The following PASD1 variants were observed in gnomAD, a reference collection of about 807,000 sequenced individuals.
PASD1 encodes the protein PAS domain containing repressor 1.
A neutral mutation model predicts 58.8 loss-of-function variants in PASD1; 13 were observed. The observed-to-expected ratio is 0.22, with a 90% CI of 0.14 to 0.35. The LOEUF is 0.35. PASD1 is among the 10% of genes least tolerant of loss of function. The probability of loss-of-function intolerance (pLI) is 1.00; values close to 1 mark genes in which losing one functional copy is unlikely to be tolerated. For synonymous variants in PASD1, 236 were observed against 216.7 expected (o/e 1.09, Z -0.78); for missense variants, 734 against 568.3 (o/e 1.29, Z -2.96).
intron 5 of PASD1, 95 bp from the exon 6 acceptor site, chrX:151,621,387 T>G: frequency 1.5e-6 from 1 of 662,491 alleles, no homozygotes; most frequent in Non-Finnish European, 2.3e-6. Flanking sequence ...TTGTAAAATC[T>G]AATCGAAGAA....
At chrX:151,573,991 A>G (rs28525113) in intron 1 of PASD1, among the ~76,000 whole-genome samples, 5,318 of 112,230 alleles carry the variant, frequency 0.047, 113 homozygotes, top group African/African-American at 0.083. Flanking sequence ...GTTGTCTGTA[A>G]TGAGGCAAGG....
In PASD1 at chrX:151,672,290, G is replaced by A; in HGVS notation, c.1545G>A (p.Met515Ile). Residue 515 changes from methionine (M) to isoleucine (I), a missense_variant, in exon 14 of 16, where the codon ATG becomes ATA. Physicochemically the swap from Met to Ile is conservative, Grantham distance 10. Transcript: ENST00000370357. ...GGAAGGTGCAGAAGCAGAAGAAGAT[G>A]CAGGAGAAGAAGAAGCTGCAGGAGC... is the stretch of plus-strand genomic sequence containing the variant. ...EQRKVQKQKK[M>I]QEKKKLQEQK... 1 of 1,168,551 alleles carries A rather than the reference G, an allele frequency of 8.6e-7. No homozygotes were observed. The highest frequency in any genetic ancestry group is 2.6e-5 in the Admixed American group (1 of 38,877).
At chrX:151,647,711 T>C (rs2014077935) in intron 8 of PASD1, among the ~76,000 whole-genome samples, 1 of 110,834 alleles carries the variant, frequency 9.0e-6, no homozygotes, top group Non-Finnish European at 1.9e-5. Context: ...CTTAATTTTT[T>C]AGTGTTAGAA....
At chrX:151,619,089 G>A (rs1243031744) in intron 4 of PASD1, among the ~76,000 whole-genome samples, 1 of 111,025 alleles carries the variant, frequency 9.0e-6, no homozygotes, top group Non-Finnish European at 1.9e-5. Flanking sequence ...GAGCAGTTAC[G>A]GCTACTGCAG....
At chrX:151,658,730 C>G (rs1409392718) in intron 9 of PASD1, among the ~76,000 whole-genome samples, 1 of 112,334 alleles carries the variant, frequency 8.9e-6, no homozygotes, top group Non-Finnish European at 1.9e-5. Context: ...TGTGATCCAA[C>G]AAACAGATTC....
intron 9 of PASD1, among the ~76,000 whole-genome samples, chrX:151,659,110 C>T (rs762815214): frequency 5.3e-5 from 6 of 112,269 alleles, no homozygotes; most frequent in South Asian, 7.5e-4. Context: ...GAGGCCTTTT[C>T]ACCTCTCTGC....
intron 14 of PASD1, 70 bp downstream of exon 14, chrX:151,672,731 T>C: frequency 8.5e-7 from 1 of 1,171,027 alleles, no homozygotes; most frequent in Non-Finnish European, 1.1e-6. Context: ...ATCCCATGCC[T>C]GAGATCACAG....
intron 1 of PASD1, among the ~76,000 whole-genome samples, chrX:151,567,728 TTTTG>T (rs1472775397): frequency 8.9e-6 from 1 of 111,851 alleles, no homozygotes; most frequent in Non-Finnish European, 1.9e-5. Flanking sequence ...TTCTGTTTTG[TTTTG>T]TTTGTTTGAG....
intron 8 of PASD1, among the ~76,000 whole-genome samples, chrX:151,644,224 G>C (rs1296842544): frequency 8.9e-6 from 1 of 112,242 alleles, no homozygotes; most frequent in Non-Finnish European, 1.9e-5. Context: ...TATTTAGAAG[G>C]CAGTGTAGTT....
At chrX:151,646,028 A>G (rs190971275) in intron 8 of PASD1, among the ~76,000 whole-genome samples, 6 of 110,217 alleles carry the variant, frequency 5.4e-5, no homozygotes, top group Non-Finnish European at 9.5e-5. Context: ...TTCCCACTTC[A>G]GCCTCCTGAA....
At chrX:151,582,613 G>A (rs2013114001) in intron 1 of PASD1, among the ~76,000 whole-genome samples, 1 of 111,474 alleles carries the variant, frequency 9.0e-6, no homozygotes, top group African/African-American at 3.3e-5. Flanking sequence ...AAGTGATGAG[G>A]CAAGGATGGA....
chrX:151,670,589 G>T (rs4578103), intron 11 of PASD1, among the ~76,000 whole-genome samples: 1 of 112,307 alleles, frequency 8.9e-6, no homozygotes, highest in Non-Finnish European at 1.9e-5. Flanking sequence ...GCTCTGTGAA[G>T]ATCAGACCTG....
intron 9 of PASD1, among the ~76,000 whole-genome samples, chrX:151,653,868 C>CTCTTTCTTTCTTTCTTTCTT (rs1222060384): frequency 7.9e-4 from 13 of 16,459 alleles, no homozygotes; most frequent in African/African-American, 1.7e-3. Flanking sequence ...CCCTCCCTCC[C>CTCTTTCTTTCTTTCTTTCTT]TCTTTCTTTC....
intron 3 of PASD1, among the ~76,000 whole-genome samples, chrX:151,611,221 T>C (rs2013553509): frequency 1.8e-5 from 2 of 112,274 alleles, no homozygotes; most frequent in Admixed American, 1.9e-4. Context: ...AGGAGGCATT[T>C]GTCTGGCTAT....
At position 151,578,894 on chromosome X, in the gene PASD1, A is replaced by G. The variant is rs190963605; in HGVS notation, c.-28+15055A>G. Among the ~76,000 whole-genome samples the G allele has an allele frequency of 3.2e-4, 36 of 112,239 alleles. No homozygotes were observed. The East Asian group carries it at 5.0e-3, about 16-fold the overall frequency. ...GGATTGCTTCACTGAAGAGTTAAAGAAAAGAGTTTTAGAATATATTATTTG... is the reference window on the plus strand; with the variant it reads ...GGATTGCTTCACTGAAGAGTTAAAGGAAAGAGTTTTAGAATATATTATTTG... On this transcript the variant is annotated intron_variant, in intron 1 of 15. Coordinates refer to ENST00000370357, the MANE Select transcript of PASD1 (RefSeq NM_173493.3).
Position 151,672,253 on chromosome X carries a change from T to C in PASD1, c.1508T>C (p.Leu503Pro). Residue 503 changes from leucine (L) to proline (P), a missense_variant, in exon 14 of 16, where the codon CTG (leucine) becomes CCG (proline). By Grantham distance (98) the Leu-to-Pro change is moderately conservative. Coordinates refer to ENST00000370357, the MANE Select transcript of PASD1 (RefSeq NM_173493.3). ...CAGCTGCGGGAGCAGCTGCAACAGC[T>C]GAGAGAGCAAAGGAAGGTGCAGAAG... ...QRQLREQLQQ[L>P]REQRKVQKQK... 3.4e-6 allele frequency: 4 copies of C among 1,166,041 alleles called. No homozygotes were observed. The highest frequency in any genetic ancestry group is 4.6e-6 in the Non-Finnish European group (4 of 872,685).
At chrX:151,632,038 G>A (rs2013875495) in intron 8 of PASD1, among the ~76,000 whole-genome samples, 2 of 110,821 alleles carry the variant, frequency 1.8e-5, no homozygotes, top group South Asian at 7.7e-4. Flanking sequence ...CCTTATCTTC[G>A]TGGTCATTAC....
At chrX:151,622,845 G>A (rs2013732974) in intron 6 of PASD1, 92 bp from the exon 7 acceptor site, 1 of 977,934 alleles carries the variant, frequency 1.0e-6, no homozygotes, top group Non-Finnish European at 1.4e-6. Context: ...TTGTCAATGG[G>A]TTAGCAAACA....
chrX:151,652,436 G>A (rs918996690), intron 9 of PASD1, among the ~76,000 whole-genome samples: 4 of 109,591 alleles, frequency 3.6e-5, no homozygotes, highest in Admixed American at 9.7e-5. Flanking sequence ...AGGAGGCTGA[G>A]GTGGGTGAAT....
Sources: allele counts gnomAD v4.1 joint callset (sites outside exome capture counted in the v4.1 genomes callset), GRCh38; gene constraint gnomAD v4.1.1; transcripts MANE v1.5; gene names NCBI Gene and HGNC (gene_info 2026-07-23, HGNC 2026-07-21).